TPM2: variants seen among roughly 807,000 people sequenced by gnomAD.
The protein encoded by TPM2 is tropomyosin 2.
A neutral mutation model predicts 41.0 loss-of-function variants in TPM2; 26 were observed. The observed-to-expected ratio is 0.63, with a 90% CI of 0.46 to 0.88. The LOEUF (loss-of-function observed/expected upper bound fraction) is 0.88, where lower values mean the gene tolerates loss of function less well. Ranked by LOEUF, TPM2 falls within the 40% of genes least tolerant of loss-of-function variation. The pLI, the probability that TPM2 is intolerant of heterozygous loss-of-function variation, is 0.00. For synonymous variants in TPM2, 143 were observed against 139.3 expected (o/e 1.03, Z -0.19); for missense variants, 187 against 355.2 (o/e 0.53, Z 3.81).
chr9:35,688,325 A>C (rs962063493), intron 2 of TPM2, among the ~76,000 whole-genome samples: 2 of 152,186 alleles, frequency 1.3e-5, no homozygotes, highest in African/African-American at 2.4e-5. Context: ...ATGCTAATCT[A>C]ACCATAGGTT....
At position 35,685,638 on chromosome 9, in the gene TPM2, C is replaced by G. The variant is rs200730708; in HGVS notation, c.374+9G>C. On this transcript the variant is annotated intron_variant, in intron 3 of 8. Transcript: ENST00000645482. This position sits in a 1 kb window ranked among gnomAD's most constrained non-coding sequence, Gnocchi z 5.0. ...CTCCCGGACCATCCTCCCCGAGGCC[C>G]CTGACCACCTCTCGCTCTCATCAGC... 95 of 1,614,162 alleles carry G rather than the reference C, an allele frequency of 5.9e-5. No homozygotes were observed. The East Asian group carries it at 8.5e-4, about 14-fold the overall frequency.
downstream of TPM2, chr9:35,682,010 G>A (rs1416591283): frequency 2.6e-6 from 4 of 1,518,518 alleles, no homozygotes; most frequent in African/African-American, 1.4e-5. Context: ...AAAGGGCCTT[G>A]AGAGGCTAGT....
At chr9:35,688,746 C>T (rs1825080696) in intron 2 of TPM2, among the ~76,000 whole-genome samples, 1 of 152,166 alleles carries the variant, frequency 6.6e-6, no homozygotes, top group Non-Finnish European at 1.5e-5. Context: ...TCTCCCTCCT[C>T]CTGCAGGCTA....
Position 35,685,122 on chromosome 9 carries a change from T to C in TPM2, c.563+147A>G, listed in dbSNP as rs1329960631. ...CTGGTCCATGGTTCGAAGTTCCTCC[T>C]CCAGCTGTCTGGCTCGGCTGGGGGC... On this transcript the variant is annotated intron_variant, in intron 5 of 8. Transcript: ENST00000645482. The surrounding 1 kb of genome is among the most constrained non-coding windows in gnomAD (Gnocchi z 5.0). 1.2e-6 allele frequency: 2 copies of C among 1,614,134 alleles called. No homozygotes were observed. The highest frequency in any genetic ancestry group is 2.2e-5 in the East Asian group (1 of 44,866).
chr9:35,683,242 C>CGGG lies in TPM2; in HGVS notation c.773-2_773-1insCCC. 1.4e-6 allele frequency: 2 copies of CGGG among 1,458,000 alleles called. No individual in the cohort carries two copies. The highest frequency in any genetic ancestry group is 1.9e-6 in the Non-Finnish European group (2 of 1,075,526). 90.3% of individuals were successfully genotyped at this position (1,458,000 alleles called of 1,614,324 possible). ...TTCATCTTCTGGGCATAGACTTCAT[C>CGGG]TGGGGGGGGTCCAGGGAGGGGACCA... On this transcript the variant is annotated splice_acceptor_variant, in intron 8 of 8. Transcript: ENST00000645482. LOFTEE classifies it high-confidence loss of function.
downstream of TPM2, chr9:35,682,665 C>T (rs780454375): frequency 1.5e-6 from 2 of 1,310,776 alleles, no homozygotes; most frequent in African/African-American, 1.5e-5. Context: ...ATCCTGGAAC[C>T]CCAGCTAAGT....
chr9:35,682,437 T>C (rs1245905020), downstream of TPM2: 1 of 1,292,352 alleles, frequency 7.7e-7, no homozygotes, highest in African/African-American at 1.5e-5. Flanking sequence ...CTTTAGAAGG[T>C]TTAAGGAAGT....
chr9:35,687,376 G>T (rs1824981301), intron 2 of TPM2, among the ~76,000 whole-genome samples: 1 of 152,076 alleles, frequency 6.6e-6, no homozygotes, highest in Non-Finnish European at 1.5e-5. Flanking sequence ...ATAAATATTA[G>T]GTTATCCCCT....
At chr9:35,686,685 T>C (rs1444468788) in intron 2 of TPM2, among the ~76,000 whole-genome samples, 1 of 144,754 alleles carries the variant, frequency 6.9e-6, no homozygotes, top group Non-Finnish European at 1.5e-5. Context: ...TCATCTGTCA[T>C]CAGCTGTAAG....
Position 35,683,213 on chromosome 9 carries a change from G to A in TPM2, c.801C>T (p.Tyr267=), listed in dbSNP as rs202231683. Residue 267 remains tyrosine (Y), a synonymous_variant, in exon 9 of 9, where the codon TAC becomes TAT. Coordinates refer to ENST00000645482, the MANE Select transcript of TPM2 (RefSeq NM_003289.4). ...EDEVYAQKMK[Y]KAISEELDNA... ...TGTCCAGTTCCTCGCTAATGGCCTT[G>A]TACTTCATCTTCTGGGCATAGACTT... 3 of 1,550,870 alleles carry A rather than the reference G, an allele frequency of 1.9e-6. No homozygotes were observed.
chr9:35,685,755 T>C lies in TPM2; in HGVS notation c.266A>G (p.Asn89Ser). The change falls in exon 3 of 9, where the codon AAC (asparagine) becomes AGC (serine). Residue 89 changes from asparagine (N) to serine (S), a missense_variant. Coordinates refer to ENST00000645482, the MANE Select transcript of TPM2 (RefSeq NM_003289.4). The surrounding 1 kb of genome is among the most constrained non-coding windows in gnomAD (Gnocchi z 5.0). ...CTCCTCAACCAGCTGAATGCGGCGG[T>C]TCAGGGAGGCCACATCTGCCTCAGC... is the stretch of plus-strand genomic sequence containing the variant. ...TDAEADVASL[N>S]RRIQLVEEEL... The C allele has an allele frequency of 6.2e-7, 1 of 1,614,076 alleles. No homozygotes were observed. Among genetic ancestry groups the C allele is most frequent in the Non-Finnish European group, 8.5e-7 (1 of 1,180,012 alleles).
At chr9:35,688,930 A>G (rs1825090223) in intron 2 of TPM2, among the ~76,000 whole-genome samples, 1 of 152,220 alleles carries the variant, frequency 6.6e-6, no homozygotes, top group African/African-American at 2.4e-5. Flanking sequence ...TACAGGGCTA[A>G]GTCCTCTGGG....
In TPM2 at chr9:35,684,816, G is replaced by A. The variant is rs763429317; in HGVS notation, c.564-9C>T. The A allele has an allele frequency of 7.3e-5, 113 of 1,558,568 alleles. No homozygotes were observed. In the Middle Eastern group the frequency reaches 1.5e-3, roughly 21 times the overall value. ...CTAGGTCCCCACATTTACTGCAGGG[G>A]GTGTGTGGCGGGGGGGGCAGGGTGT... On this transcript the variant is annotated splice_polypyrimidine_tract_variant and intron_variant, in intron 5 of 8. Coordinates refer to ENST00000645482, the MANE Select transcript of TPM2 (RefSeq NM_003289.4).
chr9:35,689,864 G>T lies in TPM2; in HGVS notation c.-47C>A. ...GGCCGGCAGGCGGTGAGGACCGGAC[G>T]GACTGGGCTGGGTGAGCGGACTGGG... On this transcript the variant is annotated 5_prime_UTR_variant, in exon 1 of 9. Transcript: ENST00000645482. 1 of 1,611,998 alleles carries T rather than the reference G, an allele frequency of 6.2e-7. No homozygotes were observed. The highest frequency in any genetic ancestry group is 8.5e-7 in the Non-Finnish European group (1 of 1,179,104).
intron 2 of TPM2, among the ~76,000 whole-genome samples, chr9:35,686,981 G>A (rs1824955279): frequency 6.6e-6 from 1 of 152,254 alleles, no homozygotes; most frequent in Non-Finnish European, 1.5e-5. Context: ...TCGGCTCTGA[G>A]TCAGATTGTC....
At chr9:35,689,509 C>A (rs969104472) in intron 1 of TPM2, among the ~76,000 whole-genome samples, 195 bp downstream of exon 1, 1 of 152,220 alleles carries the variant, frequency 6.6e-6, no homozygotes, top group Non-Finnish European at 1.5e-5. Flanking sequence ...AAACCAGGGG[C>A]CTGGGGCTTC....
upstream of TPM2, chr9:35,689,935 C>T (rs986048371): frequency 8.8e-5 from 139 of 1,583,118 alleles, no homozygotes; most frequent in African/African-American, 1.7e-3. Context: ...TGGGACGTCC[C>T]GGCCACGCGG....
upstream of TPM2, chr9:35,690,047 G>A (rs1022507970): frequency 3.1e-5 from 42 of 1,357,318 alleles, no homozygotes; most frequent in Middle Eastern, 2.8e-4. Context: ...CGGCCGGGGG[G>A]TGCGGCCGCC....
At chr9:35,682,389 G>T, downstream of TPM2, 1 of 1,069,930 alleles carries the variant, frequency 9.3e-7, no homozygotes, top group Non-Finnish European at 1.3e-6. Flanking sequence ...ATAGAGGTGG[G>T]GTGGGGAGGG....
Sources: gnomAD v4.1 joint callset for allele counts (sites outside exome capture counted in the v4.1 genomes callset) on GRCh38, gnomAD v4.1.1 for gene constraint, Gnocchi (gnomAD v3.1) non-coding constraint, MANE v1.5 for transcripts, NCBI Gene and HGNC (gene_info 2026-07-23, HGNC 2026-07-21) for gene names.